Variants in ABCB1 observed in about 807,000 individuals in gnomAD.
ABCB1 encodes ATP-dependent translocase ABCB1.
Under a neutral mutation model 142.0 loss-of-function variants are expected in ABCB1, and 69 were observed. The observed-to-expected ratio is 0.49, with a 90% CI of 0.40 to 0.59. The LOEUF is 0.59. Among genes scored for constraint, ABCB1 ranks in the 20% least tolerant of loss-of-function variants. ABCB1 has a pLI of 0.00. For missense variants in ABCB1, 1,326 were observed against 1,554.7 expected, an observed-to-expected ratio of 0.85 and a Z score of 2.47; for synonymous variants, 532 against 539.2, an observed-to-expected ratio of 0.99 and a Z score of 0.18.
chr7:87,620,899 C>G (rs1037491791), intron 1 of ABCB1, among the ~76,000 whole-genome samples: 1 of 151,942 alleles, frequency 6.6e-6, no homozygotes, highest in Non-Finnish European at 1.5e-5. Flanking sequence ...AATATTGCAA[C>G]TATTTAGGAA....
chr7:87,632,842 A>G (rs1276094691), intron 1 of ABCB1, among the ~76,000 whole-genome samples: 1 of 152,208 alleles, frequency 6.6e-6, no homozygotes, highest in Non-Finnish European at 1.5e-5. Flanking sequence ...TAAAATATGC[A>G]CATATAAACA....
chr7:87,600,560 A>G (rs368895063), intron 1 of ABCB1, among the ~76,000 whole-genome samples, 195 bp downstream of exon 1: 2 of 152,186 alleles, frequency 1.3e-5, no homozygotes, highest in East Asian at 3.9e-4. Flanking sequence ...GTCCAGTGCC[A>G]CTACGGTTTG....
intron 1 of ABCB1, among the ~76,000 whole-genome samples, chr7:87,666,505 T>G (rs1825267647): frequency 6.6e-6 from 1 of 152,212 alleles, no homozygotes; most frequent in African/African-American, 2.4e-5. Flanking sequence ...TAGATCCATT[T>G]GTCAATTTTT....
At chr7:87,508,124 C>G (rs1412860514) in intron 26 of ABCB1, among the ~76,000 whole-genome samples, 4 of 152,082 alleles carry the variant, frequency 2.6e-5, no homozygotes, top group African/African-American at 9.7e-5. Flanking sequence ...CATGTACCCC[C>G]TAAGTCTAAA....
intron 1 of ABCB1, among the ~76,000 whole-genome samples, chr7:87,653,655 A>G (rs890730702): frequency 6.6e-6 from 1 of 152,020 alleles, no homozygotes; most frequent in Non-Finnish European, 1.5e-5. Flanking sequence ...TTTTTCTGCT[A>G]CTTTTTTTTC....
rs181795278 is a variant in ABCB1, at chr7:87,514,102, A to G, written c.3282+1129T>C. ...TTGAATACAATAACAAACATTTATGAGTAAGAGTGACCGCTGTGAGGAAGT... is the reference window on the plus strand; with the variant it reads ...TTGAATACAATAACAAACATTTATGGGTAAGAGTGACCGCTGTGAGGAAGT... On this transcript the variant is annotated intron_variant, in intron 25 of 27. Coordinates refer to ENST00000622132, the MANE Select transcript of ABCB1 (RefSeq NM_001348946.2). Among the ~76,000 whole-genome samples, 176 of 152,352 alleles carry G rather than the reference A, an allele frequency of 1.2e-3. 1 individual carries two copies. The highest frequency in any genetic ancestry group is 4.0e-3 in the African/African-American group (167 of 41,586).
chr7:87,616,119 C>A (rs1820024815), intron 1 of ABCB1, among the ~76,000 whole-genome samples: 1 of 152,122 alleles, frequency 6.6e-6, no homozygotes, highest in African/African-American at 2.4e-5. Context: ...TAATAAGCAT[C>A]TACCTTCTAA....
intron 2 of ABCB1, among the ~76,000 whole-genome samples, chr7:87,597,744 A>G (rs1002920462): frequency 2.0e-5 from 3 of 152,114 alleles, no homozygotes; most frequent in African/African-American, 7.2e-5. Flanking sequence ...AAAATTTTCA[A>G]TTGCAATTAC....
At chr7:87,693,893 ATT>A in intron 1 of ABCB1, 3 of 1,462,276 alleles carry the variant, frequency 2.1e-6, no homozygotes, top group Non-Finnish European at 1.9e-6. Flanking sequence ...TGTTGTTGTT[ATT>A]TTTTTTTTAA....
intron 2 of ABCB1, among the ~76,000 whole-genome samples, chr7:87,598,217 T>C (rs28381810): frequency 3.9e-3 from 587 of 152,358 alleles, no homozygotes; most frequent in Admixed American, 6.1e-3. Context: ...TTACTTTATC[T>C]TTTTATTTTC....
intron 4 of ABCB1, among the ~76,000 whole-genome samples, chr7:87,575,819 A>T (rs1258133813): frequency 1.3e-5 from 2 of 152,178 alleles, no homozygotes; most frequent in Non-Finnish European, 2.9e-5. Flanking sequence ...ACACACTAAA[A>T]ATCAAACTTA....
intron 1 of ABCB1, among the ~76,000 whole-genome samples, chr7:87,625,031 C>T (rs1245052407): frequency 1.7e-4 from 26 of 152,212 alleles, no homozygotes; most frequent in African/African-American, 5.1e-4. Flanking sequence ...CCGAGAAGGG[C>T]GGATCACGAG....
chr7:87,585,983 A>G (rs184211316), intron 3 of ABCB1, among the ~76,000 whole-genome samples: 33 of 152,278 alleles, frequency 2.2e-4, no homozygotes, highest in Admixed American at 4.6e-4. Context: ...AATGGTATAT[A>G]ATATGGTATT....
chr7:87,703,007 A>G (rs1439405833), intron 1 of ABCB1, among the ~76,000 whole-genome samples: 1 of 152,178 alleles, frequency 6.6e-6, no homozygotes, highest in Non-Finnish European at 1.5e-5. Context: ...TAGTAGTTGT[A>G]TTTATTTTTA....
At chr7:87,643,634 C>A (rs1456073090) in intron 1 of ABCB1, among the ~76,000 whole-genome samples, 1 of 151,808 alleles carries the variant, frequency 6.6e-6, no homozygotes, top group African/African-American at 2.4e-5. Context: ...AATTTTCCTG[C>A]CTCAGCCTCC....
intron 8 of ABCB1, among the ~76,000 whole-genome samples, chr7:87,555,231 A>T (rs1352269716): frequency 6.6e-6 from 1 of 152,150 alleles, no homozygotes; most frequent in Non-Finnish European, 1.5e-5. Flanking sequence ...AACAGGACAG[A>T]TTGCCTTAAA....
At chr7:87,672,370 A>G (rs577711134) in intron 1 of ABCB1, among the ~76,000 whole-genome samples, 1 of 152,294 alleles carries the variant, frequency 6.6e-6, no homozygotes, top group East Asian at 1.9e-4. Context: ...CCCAAACAGC[A>G]TAGATGGTGG....
chr7:87,645,855 ACT>A (rs142441730), intron 1 of ABCB1, among the ~76,000 whole-genome samples: 3,925 of 152,166 alleles, frequency 0.026, 167 homozygotes, highest in African/African-American at 0.089. Flanking sequence ...TGAAGCATAG[ACT>A]CTAAGGGATT....
intron 24 of ABCB1, among the ~76,000 whole-genome samples, chr7:87,515,855 C>T (rs969776938): frequency 1.2e-4 from 19 of 152,200 alleles, no homozygotes; most frequent in African/African-American, 4.6e-4. Context: ...CCTTGGCCTC[C>T]CAAAGTGCTG....
Sources: allele counts gnomAD v4.1 joint callset (sites outside exome capture counted in the v4.1 genomes callset), GRCh38; gene constraint gnomAD v4.1.1; transcripts MANE v1.5; gene names NCBI Gene and HGNC (gene_info 2026-07-23, HGNC 2026-07-21).